SYNDIG1L: variants seen among roughly 807,000 people sequenced by gnomAD.
SYNDIG1L encodes the protein synapse differentiation inducing 1 like.
Under a neutral mutation model 20.1 loss-of-function variants are expected in SYNDIG1L, and 13 were observed. The ratio of observed to expected loss-of-function variants is 0.65; its 90% confidence interval spans 0.42 to 1.03. SYNDIG1L has a LOEUF of 1.03. SYNDIG1L is among the 50% of genes least tolerant of loss of function. SYNDIG1L has a pLI of 0.00. For synonymous variants in SYNDIG1L, 128 were observed against 129.3 expected (o/e 0.99, Z 0.07); for missense variants, 294 against 305.1 (o/e 0.96, Z 0.27).
chr14:74,469,649 ATTGT>A, the SYNDIG1L span, among the ~76,000 whole-genome samples: 45 of 152,232 alleles, frequency 3.0e-4, no homozygotes, highest in African/African-American at 9.6e-4. Context: ...GGTGGTTTTG[ATTGT>A]TTGTGTTCCC....
upstream of SYNDIG1L, among the ~76,000 whole-genome samples, chr14:74,429,990 G>C (rs922380677): frequency 6.6e-6 from 1 of 152,108 alleles, no homozygotes; most frequent in Non-Finnish European, 1.5e-5. Context: ...CTGCAAAACG[G>C]AAGAAGCCAT....
chr14:74,465,958 C>T, the SYNDIG1L span, among the ~76,000 whole-genome samples: 6 of 152,180 alleles, frequency 3.9e-5, no homozygotes, highest in Non-Finnish European at 5.9e-5. Context: ...TCCACCAGCC[C>T]GGTCCAAGGA....
At chr14:74,477,649 A>C in the SYNDIG1L span, among the ~76,000 whole-genome samples, 1 of 152,362 alleles carries the variant, frequency 6.6e-6, no homozygotes, top group East Asian at 1.9e-4. Context: ...ACTGAATACT[A>C]GTCTTCATAT....
chr14:74,477,997 C>T, the SYNDIG1L span, among the ~76,000 whole-genome samples: 4 of 152,334 alleles, frequency 2.6e-5, no homozygotes, highest in East Asian at 1.9e-4. Flanking sequence ...CATGTAGCCC[C>T]GCGATGGCTG....
chr14:74,445,454 TTGTGTGTGTGTGTGTGTGTG>T, the SYNDIG1L span, among the ~76,000 whole-genome samples: 1 of 147,764 alleles, frequency 6.8e-6, no homozygotes, highest in Admixed American at 6.7e-5. Flanking sequence ...GTATTAAAAT[TTGTGTGTGTGTGTGTGTGTG>T]TGTGTGTGTG....
upstream of SYNDIG1L, among the ~76,000 whole-genome samples, chr14:74,430,249 A>C (rs113286501): frequency 1.2e-3 from 181 of 152,184 alleles, 1 homozygote; most frequent in African/African-American, 4.1e-3. Flanking sequence ...GGGGCATGTG[A>C]GCATTTGCAC....
At chr14:74,462,562 A>G in the SYNDIG1L span, among the ~76,000 whole-genome samples, 1 of 150,634 alleles carries the variant, frequency 6.6e-6, no homozygotes, top group African/African-American at 2.5e-5. Flanking sequence ...CTGGAGTGCA[A>G]TGGTATGATC....
chr14:74,457,727 G>C, the SYNDIG1L span, among the ~76,000 whole-genome samples: 5 of 151,980 alleles, frequency 3.3e-5, no homozygotes, highest in Non-Finnish European at 7.4e-5. Flanking sequence ...CCTCCCAGGG[G>C]ACTCTTGCCT....
chr14:74,406,877 C>A lies in SYNDIG1L; in HGVS notation c.*658G>T. 6.6e-6 allele frequency: 1 copy of A among 152,618 alleles called. No homozygotes were observed. The highest frequency in any genetic ancestry group is 1.5e-5 in the Non-Finnish European group (1 of 68,274). 9.5% of individuals were successfully genotyped at this position (152,618 alleles called of 1,614,324 possible). On this transcript the variant is annotated 3_prime_UTR_variant, in exon 4 of 4. Coordinates refer to ENST00000331628, the MANE Select transcript of SYNDIG1L (RefSeq NM_001105579.2). ...CGCATGAAGAAGCTCCAAGAACCTG[C>A]CCTTGGTTCAGAGTTTACATACCGA...
the SYNDIG1L span, among the ~76,000 whole-genome samples, chr14:74,447,522 G>T: frequency 1.6e-4 from 25 of 151,840 alleles, no homozygotes; most frequent in African/African-American, 6.0e-4. Flanking sequence ...GGGAGGTGGA[G>T]GTTGCAGTGA....
chr14:74,452,679 A>G, the SYNDIG1L span, among the ~76,000 whole-genome samples: 1 of 152,244 alleles, frequency 6.6e-6, no homozygotes, highest in African/African-American at 2.4e-5. Context: ...CAGTTTGTCC[A>G]TTTCTCAAAA....
At chr14:74,478,903 A>C in the SYNDIG1L span, among the ~76,000 whole-genome samples, 1 of 152,254 alleles carries the variant, frequency 6.6e-6, no homozygotes, top group Admixed American at 6.5e-5. Context: ...GTCCTATTTA[A>C]CAGATAAGGA....
rs370482862 is a variant in SYNDIG1L at position 74,407,841 on chromosome 14, G to T, written c.558+8C>A. The T allele has an allele frequency of 3.1e-6, 5 of 1,608,884 alleles. No individual in the cohort carries two copies. Among genetic ancestry groups the T allele is most frequent in the South Asian group, 1.1e-5 (1 of 90,306 alleles). ...CAGAGAAGGGACCTGGGCCCCAGGT[G>T]CTCTTACCCCCTGGGAGAAGTAGAA... On this transcript the variant is annotated splice_region_variant and intron_variant, in intron 3 of 3. Transcript: ENST00000331628.
chr14:74,477,152 C>T, the SYNDIG1L span, among the ~76,000 whole-genome samples: 2 of 149,348 alleles, frequency 1.3e-5, no homozygotes, highest in Non-Finnish European at 3.0e-5. Flanking sequence ...CACACACCCT[C>T]GCCTGAGTGT....
the SYNDIG1L span, among the ~76,000 whole-genome samples, chr14:74,450,347 A>G: frequency 6.6e-6 from 1 of 152,202 alleles, no homozygotes; most frequent in Non-Finnish European, 1.5e-5. Flanking sequence ...AGAGGAGGCC[A>G]GTATTACCAT....
chr14:74,443,019 G>C, the SYNDIG1L span, among the ~76,000 whole-genome samples: 5 of 152,306 alleles, frequency 3.3e-5, no homozygotes, highest in South Asian at 1.0e-3. Context: ...ATAACAGGCA[G>C]CTAGATTGTG....
At chr14:74,451,927 T>C in the SYNDIG1L span, among the ~76,000 whole-genome samples, 18 of 141,260 alleles carry the variant, frequency 1.3e-4, no homozygotes, top group Admixed American at 3.8e-4. Context: ...GAGGCGGAGG[T>C]TGCAGTGAGC....
the SYNDIG1L span, among the ~76,000 whole-genome samples, chr14:74,444,836 C>T: frequency 6.6e-6 from 1 of 152,172 alleles, no homozygotes; most frequent in Non-Finnish European, 1.5e-5. Context: ...CTTTATTTTG[C>T]TTTGATTGTA....
the SYNDIG1L span, among the ~76,000 whole-genome samples, chr14:74,471,720 G>GTT: frequency 6.6e-6 from 1 of 152,174 alleles, no homozygotes; most frequent in African/African-American, 2.4e-5. Context: ...AGTGCACCCA[G>GTT]GGCATTGTGC....
Sources: gnomAD v4.1 joint callset for allele counts (sites outside exome capture counted in the v4.1 genomes callset) on GRCh38, gnomAD v4.1.1 for gene constraint, MANE v1.5 for transcripts, NCBI Gene and HGNC (gene_info 2026-07-23, HGNC 2026-07-21) for gene names.